The following F13A1 variants were observed in gnomAD, a reference collection of about 807,000 sequenced individuals.
The protein encoded by F13A1 is FSF, A subunit.
In F13A1, 47 loss-of-function variants were observed where a neutral mutation model predicts 80.1. The observed-to-expected ratio is 0.59, with a 90% CI of 0.46 to 0.75. F13A1 has a LOEUF of 0.75. F13A1 is among the 30% of genes least tolerant of loss of function. The probability of loss-of-function intolerance (pLI) is 0.00; values close to 1 mark genes in which losing one functional copy is unlikely to be tolerated. For missense variants in F13A1, 817 were observed against 930.4 expected, an observed-to-expected ratio of 0.88 and a Z score of 1.59; for synonymous variants, 349 against 344.9, an observed-to-expected ratio of 1.01 and a Z score of -0.13.
intron 8 of F13A1, among the ~76,000 whole-genome samples, chr6:6,214,324 A>G (rs1761680163): frequency 6.6e-6 from 1 of 151,834 alleles, no homozygotes; most frequent in Admixed American, 6.6e-5. Flanking sequence ...ATTATAACAA[A>G]CTATGTCTCA....
At chr6:6,292,664 G>GT (rs1758240147) in intron 3 of F13A1, among the ~76,000 whole-genome samples, 2 of 152,234 alleles carry the variant, frequency 1.3e-5, no homozygotes, top group African/African-American at 4.8e-5. Context: ...ATATTAAAGT[G>GT]TTGCTGATGA....
intron 3 of F13A1, among the ~76,000 whole-genome samples, chr6:6,289,493 T>C (rs769534025): frequency 6.6e-6 from 1 of 151,002 alleles, no homozygotes; most frequent in Non-Finnish European, 1.5e-5. Context: ...GAAGTAAACA[T>C]AAGTTCCTTT....
intron 3 of F13A1, among the ~76,000 whole-genome samples, chr6:6,276,021 C>CA (rs1177147069): frequency 6.6e-6 from 1 of 152,176 alleles, no homozygotes; most frequent in East Asian, 1.9e-4. Flanking sequence ...TCCGAAGGAC[C>CA]AGGAGGAACA....
At chr6:6,163,484 C>T (rs1387088718) in intron 13 of F13A1, among the ~76,000 whole-genome samples, 1 of 152,174 alleles carries the variant, frequency 6.6e-6, no homozygotes, top group Non-Finnish European at 1.5e-5. Context: ...TCCCTCCTCC[C>T]ACGCCGCACC....
intron 3 of F13A1, among the ~76,000 whole-genome samples, chr6:6,301,651 A>G (rs968488200): frequency 6.6e-6 from 1 of 152,252 alleles, no homozygotes; most frequent in African/African-American, 2.4e-5. Context: ...TGTGTAAAAA[A>G]GAAAAGAGGA....
chr6:6,144,281 G>A lies in F13A1; in HGVS notation c.*1338C>T, dbSNP rs1231096834. 4 of 152,274 alleles carry A rather than the reference G, an allele frequency of 2.6e-5. No individual in the cohort carries two copies. In the South Asian group the frequency reaches 8.3e-4, roughly 32 times the overall value. 9.4% of individuals were successfully genotyped at this position (152,274 alleles called of 1,614,324 possible). A position where few individuals can be genotyped will look rare whatever the true frequency, so the allele number is the denominator to read the frequency against. On this transcript the variant is annotated 3_prime_UTR_variant, in exon 15 of 15. Coordinates refer to ENST00000264870, the MANE Select transcript of F13A1 (RefSeq NM_000129.4). ...AGAGGGGACCAGCTCACCCTCATAG[G>A]TTAGTGCTGAAGGCTCAGGAACAGT...
chr6:6,213,217 C>A (rs1183852845), intron 8 of F13A1, among the ~76,000 whole-genome samples: 1 of 151,840 alleles, frequency 6.6e-6, no homozygotes, highest in Non-Finnish European at 1.5e-5. Flanking sequence ...AACTCCAAGA[C>A]ACATAATTGT....
intron 3 of F13A1, among the ~76,000 whole-genome samples, chr6:6,298,099 T>C (rs1758359697): frequency 6.7e-6 from 1 of 149,776 alleles, no homozygotes; most frequent in African/African-American, 2.5e-5. Flanking sequence ...TTGATTGCAC[T>C]GTGGTCTGAG....
intron 3 of F13A1, among the ~76,000 whole-genome samples, chr6:6,279,456 AGAATGTTT>A (rs1758032187): frequency 6.6e-6 from 1 of 152,220 alleles, no homozygotes; most frequent in Non-Finnish European, 1.5e-5. Flanking sequence ...CAACTGACAA[AGAATGTTT>A]CCATATTTCT....
At chr6:6,181,882 A>G (rs1760994199) in intron 11 of F13A1, 106 bp downstream of exon 11, 2 of 1,243,260 alleles carry the variant, frequency 1.6e-6, no homozygotes, top group Non-Finnish European at 2.4e-6. Context: ...TTGCTACCAA[A>G]TGCTGCAAAT....
At chr6:6,216,287 C>T (rs2113046473) in intron 8 of F13A1, among the ~76,000 whole-genome samples, 2 of 151,988 alleles carry the variant, frequency 1.3e-5, no homozygotes, top group East Asian at 3.9e-4. Flanking sequence ...TACTACAAGG[C>T]TACAGTAACC....
At chr6:6,217,686 A>G (rs1234564350) in intron 8 of F13A1, among the ~76,000 whole-genome samples, 1 of 152,060 alleles carries the variant, frequency 6.6e-6, no homozygotes, top group African/African-American at 2.4e-5. Context: ...AATAATAAAA[A>G]TAAATAAAAA....
chr6:6,311,215 C>T (rs1758586083), intron 2 of F13A1, among the ~76,000 whole-genome samples: 1 of 152,124 alleles, frequency 6.6e-6, no homozygotes, highest in Admixed American at 6.5e-5. Flanking sequence ...CACCTGAACA[C>T]CTTTTACGTG....
rs1760253793 is a variant in F13A1, at chr6:6,145,118, T to C, written c.*501A>G. The C allele has an allele frequency of 6.5e-6, 1 of 154,838 alleles. No homozygotes were observed. Among genetic ancestry groups the C allele is most frequent in the Non-Finnish European group, 1.4e-5 (1 of 69,496 alleles). The allele number at this position is 154,838 out of a possible 1,614,324, so 9.6% of individuals were successfully genotyped here. A position where few individuals can be genotyped will look rare whatever the true frequency, so the allele number is the denominator to read the frequency against. On this transcript the variant is annotated 3_prime_UTR_variant, in exon 15 of 15. Transcript: ENST00000264870. ...TTTCTGGCTTTGCCAAAAATAAAAA[T>C]TATGTTGTGCTCTAGTCCTGGGAAA... is the stretch of plus-strand genomic sequence containing the variant.
At position 6,320,654 on chromosome 6, in the gene F13A1, A is replaced by G. The variant is rs1758763270; in HGVS notation, c.-86T>C. ...TCTGTGCGCCTCGGGGACTTCCTCA[A>G]ACGGACTCGGGAAAGACAAGACAGT... On this transcript the variant is annotated 5_prime_UTR_variant, in exon 1 of 15. Coordinates refer to ENST00000264870, the MANE Select transcript of F13A1 (RefSeq NM_000129.4). The G allele has an allele frequency of 8.5e-6, 4 of 470,300 alleles. No homozygotes were observed. Among genetic ancestry groups the G allele is most frequent in the Non-Finnish European group, 4.4e-6 (1 of 226,688 alleles). 29.1% of individuals were successfully genotyped at this position (470,300 alleles called of 1,614,324 possible). A position where few individuals can be genotyped will look rare whatever the true frequency, so the allele number is the denominator to read the frequency against.
intron 1 of F13A1, among the ~76,000 whole-genome samples, chr6:6,319,476 T>A (rs1758739462): frequency 6.6e-6 from 1 of 152,198 alleles, no homozygotes; most frequent in South Asian, 2.1e-4. Context: ...TCCCCTTCCC[T>A]TGGAGCTTGT....
chr6:6,260,954 G>GT (rs895949526), intron 4 of F13A1, among the ~76,000 whole-genome samples: 4 of 152,108 alleles, frequency 2.6e-5, no homozygotes, highest in Admixed American at 1.3e-4. Flanking sequence ...ATCTCCTGAG[G>GT]TTTTTTGTTT....
intron 4 of F13A1, among the ~76,000 whole-genome samples, chr6:6,263,558 G>A (rs981315374): frequency 3.3e-5 from 5 of 152,022 alleles, no homozygotes; most frequent in Admixed American, 6.5e-5. Flanking sequence ...GCTCCTAACC[G>A]TGCCCATGTT....
At chr6:6,206,504 C>T in intron 8 of F13A1, 2 of 474,070 alleles carry the variant, frequency 4.2e-6, no homozygotes, top group South Asian at 1.5e-5. Flanking sequence ...GACATTTTAC[C>T]CCCAAACTCC....
Sources: allele counts gnomAD v4.1 joint callset (sites outside exome capture counted in the v4.1 genomes callset), GRCh38; gene constraint gnomAD v4.1.1; transcripts MANE v1.5; gene names NCBI Gene and HGNC (gene_info 2026-07-23, HGNC 2026-07-21).